NCBP3: variants seen among roughly 807,000 people sequenced by gnomAD.
The protein encoded by NCBP3 is nuclear cap-binding protein subunit 3.
In NCBP3, 20 loss-of-function variants were observed where a neutral mutation model predicts 75.7. That is an observed-to-expected ratio of 0.26 (90% confidence interval 0.19 to 0.38). NCBP3 has a LOEUF of 0.38. Among genes scored for constraint, NCBP3 ranks in the 10% least tolerant of loss-of-function variants. NCBP3 has a pLI of 1.00. For missense variants in NCBP3, 678 were observed against 796.9 expected (o/e 0.85, Z 1.80); for synonymous variants, 293 against 290.5 (o/e 1.01, Z -0.09).
chr17:3,820,520 C>A (rs1361717818), intron 9 of NCBP3, among the ~76,000 whole-genome samples: 1 of 152,182 alleles, frequency 6.6e-6, no homozygotes, highest in East Asian at 1.9e-4. Flanking sequence ...GTCATGATAT[C>A]CCACTCTTCT....
intron 2 of NCBP3, among the ~76,000 whole-genome samples, chr17:3,841,228 G>A (rs1457815276): frequency 6.6e-6 from 1 of 152,080 alleles, no homozygotes; most frequent in East Asian, 1.9e-4. Context: ...GCCTGCCTCG[G>A]CCTCCCAAAG....
Position 3,813,209 on chromosome 17 carries a change from C to T in NCBP3, c.1698G>A (p.Arg566=). 6.2e-7 allele frequency: 1 copy of T among 1,614,242 alleles called. No individual in the cohort carries two copies. The change falls in exon 13 of 13, where the codon AGG becomes AGA. Residue 566 remains arginine (R), a synonymous_variant. Coordinates refer to ENST00000389005, the MANE Select transcript of NCBP3 (RefSeq NM_001114118.3). ...KEKNTKKVDH[R]APGAEEDDSE... Reference sequence around the variant, plus strand: ...AGTCGTCTTCCTCAGCGCCAGGCGCCCTGTGATCCACTTTCTTCGTATTCT... The same window carrying T: ...AGTCGTCTTCCTCAGCGCCAGGCGCTCTGTGATCCACTTTCTTCGTATTCT...
rs1273006109 is a variant in NCBP3, at chr17:3,843,163, GGGAAGGGTGA to G, written c.184-22_184-13del. The stretch of plus-strand genomic sequence containing the variant: ...CTTCTGCTCGTGTCCTAACACAAAG[GGGAAGGGTGA>G]GAAATTCAGACAGCAATTGAGGAAA... On this transcript the variant is annotated splice_polypyrimidine_tract_variant and intron_variant, in intron 1 of 12. Coordinates refer to ENST00000389005, the MANE Select transcript of NCBP3 (RefSeq NM_001114118.3). The G allele has an allele frequency of 1.3e-6, 2 of 1,550,710 alleles. No individual in the cohort carries two copies. Among genetic ancestry groups the G allele is most frequent in the Non-Finnish European group, 1.7e-6 (2 of 1,146,384 alleles).
intron 7 of NCBP3, among the ~76,000 whole-genome samples, chr17:3,823,642 C>T (rs1231374687): frequency 2.0e-5 from 3 of 152,216 alleles, no homozygotes; most frequent in Non-Finnish European, 4.4e-5. Context: ...AGCCTGGTCT[C>T]GAACTCCTGG....
At chr17:3,829,400 A>C (rs1159305301) in intron 3 of NCBP3, 32 bp from the exon 4 acceptor site, 7 of 1,548,556 alleles carry the variant, frequency 4.5e-6, no homozygotes, top group Non-Finnish European at 6.1e-6. Context: ...AAGATGATAG[A>C]ATTTTCCTGT....
At chr17:3,842,826 C>T (rs1597417530) in intron 2 of NCBP3, among the ~76,000 whole-genome samples, 1 of 152,072 alleles carries the variant, frequency 6.6e-6, no homozygotes, top group Non-Finnish European at 1.5e-5. Context: ...TTGTATCTTT[C>T]GTAGAGACGG....
At chr17:3,819,489 G>A (rs1220709764) in intron 9 of NCBP3, among the ~76,000 whole-genome samples, 2 of 151,954 alleles carry the variant, frequency 1.3e-5, no homozygotes, top group South Asian at 2.1e-4. Flanking sequence ...GAACCCGGGA[G>A]GCGGAGGTTG....
At position 3,813,019 on chromosome 17, in the gene NCBP3, G is replaced by T. The variant is rs766776636; in HGVS notation, c.*25C>A. 2.5e-6 allele frequency: 4 copies of T among 1,613,686 alleles called. 1 individual carries two copies. In the Admixed American group the frequency reaches 6.7e-5, roughly 27 times the overall value. ...CTGTGCAAGAATGTCAGGCTTTAGG[G>T]CAGCTGCCATAGGCCCCAGGGGCAT... is the stretch of plus-strand genomic sequence containing the variant. On this transcript the variant is annotated 3_prime_UTR_variant, in exon 13 of 13. Coordinates refer to ENST00000389005, the MANE Select transcript of NCBP3 (RefSeq NM_001114118.3).
At chr17:3,844,249 A>ACT (rs2054118148) in intron 1 of NCBP3, among the ~76,000 whole-genome samples, 2 of 152,200 alleles carry the variant, frequency 1.3e-5, no homozygotes, top group African/African-American at 2.4e-5. Context: ...CAGCTCTGAC[A>ACT]GTCACTAATT....
At chr17:3,833,495 G>T (rs182163894) in intron 3 of NCBP3, among the ~76,000 whole-genome samples, 2 of 151,836 alleles carry the variant, frequency 1.3e-5, no homozygotes, top group Non-Finnish European at 2.9e-5. Flanking sequence ...TGATGTGTAC[G>T]ACTTTCCCTA....
At position 3,805,121 on chromosome 17, in the gene NCBP3, C is replaced by G. The variant is rs1004015896; in HGVS notation, c.*7923G>C. ...AGCTGGGACTACAGGTGCCCGCCAC[C>G]ACACCCGGCTAATTTTTGTATTTTT... On this transcript the variant is annotated 3_prime_UTR_variant, in exon 13 of 13. Coordinates refer to ENST00000389005, the MANE Select transcript of NCBP3 (RefSeq NM_001114118.3). The G allele has an allele frequency of 6.6e-6, 1 of 151,938 alleles. No homozygotes were observed. The highest frequency in any genetic ancestry group is 2.4e-5 in the African/African-American group (1 of 41,362). 9.4% of individuals were successfully genotyped at this position (151,938 alleles called of 1,614,324 possible).
At position 3,813,160 on chromosome 17, in the gene NCBP3, C is replaced by A; in HGVS notation, c.1747G>T (p.Ala583Ser). The A allele has an allele frequency of 1.2e-5, 20 of 1,614,236 alleles. No homozygotes were observed. The highest frequency in any genetic ancestry group is 1.7e-5 in the Non-Finnish European group (20 of 1,180,042). ...DDSELQRAWG[A>S]LIKEKEQSRQ... is the part of the protein sequence containing the mutation. The stretch of plus-strand genomic sequence containing the variant: ...GACTGCTCTTTCTCCTTAATCAGAG[C>A]CCCCCATGCCCTTTGCAGCTCAGAG... Residue 583 changes from alanine to serine, a missense_variant, in exon 13 of 13, where the codon GCT becomes TCT. Ala to Ser is a moderately conservative substitution (Grantham distance 99, BLOSUM62 1). This residue lies in a region of NCBP3 where 365 missense variants were observed against 392.7 expected (regional missense o/e 0.93). Transcript: ENST00000389005.
At chr17:3,815,552 T>C (rs546860899) in intron 11 of NCBP3, among the ~76,000 whole-genome samples, 1 of 152,350 alleles carries the variant, frequency 6.6e-6, no homozygotes, top group South Asian at 2.1e-4. Flanking sequence ...ATATAAAGTA[T>C]ACCAGTGTCA....
At chr17:3,816,308 C>T in intron 10 of NCBP3, 38 bp from the exon 11 acceptor site, 1 of 1,577,308 alleles carries the variant, frequency 6.3e-7, no homozygotes, top group Non-Finnish European at 8.6e-7. Context: ...AGTTAACCAA[C>T]TTCAACTGTG....
Position 3,812,566 on chromosome 17 carries a change from G to A in NCBP3, c.*478C>T. The A allele has an allele frequency of 9.9e-7, 1 of 1,009,372 alleles. No individual in the cohort carries two copies. The highest frequency in any genetic ancestry group is 4.1e-5 in the South Asian group (1 of 24,120). 62.5% of individuals were successfully genotyped at this position (1,009,372 alleles called of 1,614,324 possible). ...CCACACTAGGGTCCCGGAAGGGTGAGCTGGCCGCTTCCCTCCTCTTCCCCC... is the reference window on the plus strand; with the variant it reads ...CCACACTAGGGTCCCGGAAGGGTGAACTGGCCGCTTCCCTCCTCTTCCCCC... On this transcript the variant is annotated 3_prime_UTR_variant, in exon 13 of 13. Transcript: ENST00000389005.
At chr17:3,844,622 G>A (rs147069458) in intron 1 of NCBP3, among the ~76,000 whole-genome samples, 9 of 152,178 alleles carry the variant, frequency 5.9e-5, no homozygotes, top group Non-Finnish European at 1.3e-4. Flanking sequence ...AGGCAGAGGC[G>A]GGCGGATCAC....
chr17:3,815,032 C>T (rs1214009029), intron 11 of NCBP3, among the ~76,000 whole-genome samples: 1 of 152,240 alleles, frequency 6.6e-6, no homozygotes, highest in Non-Finnish European at 1.5e-5. Flanking sequence ...TCTCCTCTCA[C>T]TTTAGCTTCT....
At chr17:3,843,763 C>A (rs536530379) in intron 1 of NCBP3, among the ~76,000 whole-genome samples, 2 of 152,286 alleles carry the variant, frequency 1.3e-5, no homozygotes, top group South Asian at 4.1e-4. Context: ...GCATACTGGT[C>A]TCAAACTCCT....
chr17:3,813,125 CT>C lies in NCBP3; in HGVS notation c.1781del (p.Lys594ArgfsTer5). 1 of 1,614,266 alleles carries C rather than the reference CT, an allele frequency of 6.2e-7. No individual in the cohort carries two copies. The highest frequency in any genetic ancestry group is 8.5e-7 in the Non-Finnish European group (1 of 1,180,050). Reference protein sequence around the residue: ...LIKEKEQSRQKKSRLDNLPSL... With the variant: ...LIKEKEQSRQXKSRLDNLPSL... The stretch of plus-strand genomic sequence containing the variant: ...ATGGTAAGTTATCTAACCGGCTCTT[CT>C]TTTGGCGAGACTGCTCTTTCTCCTT... On this transcript the variant is annotated frameshift_variant, in exon 13 of 13. Transcript: ENST00000389005. LOFTEE classifies it high-confidence loss of function.
Sources: allele counts gnomAD v4.1 joint callset (sites outside exome capture counted in the v4.1 genomes callset), GRCh38; gene constraint gnomAD v4.1.1; regional missense constraint gnomAD v4.1.1; transcripts MANE v1.5; gene names NCBI Gene and HGNC (gene_info 2026-07-23, HGNC 2026-07-21).